Variants in PDE5A observed in about 807,000 individuals in gnomAD.
The protein encoded by PDE5A is phosphodiesterase 5A, also known as cGMP-specific 3',5'-cyclic phosphodiesterase.
Under a neutral mutation model 110.2 loss-of-function variants are expected in PDE5A, and 67 were observed. The observed-to-expected ratio is 0.61, with a 90% CI of 0.50 to 0.75. The LOEUF is 0.75. Among genes scored for constraint, PDE5A ranks in the 30% least tolerant of loss-of-function variants. PDE5A has a pLI of 0.00. For missense variants in PDE5A, 862 were observed against 1,045.1 expected, an observed-to-expected ratio of 0.82 and a Z score of 2.42; for synonymous variants, 328 against 351.2, an observed-to-expected ratio of 0.93 and a Z score of 0.74.
chr4:119,607,962 G>A (rs983281943), intron 1 of PDE5A, among the ~76,000 whole-genome samples: 6 of 152,066 alleles, frequency 3.9e-5, no homozygotes, highest in Non-Finnish European at 5.9e-5. Context: ...TTAATTTGAT[G>A]TTTAAAACAC....
At chr4:119,568,691 T>G (rs926181426) in intron 3 of PDE5A, among the ~76,000 whole-genome samples, 4 of 152,150 alleles carry the variant, frequency 2.6e-5, no homozygotes, top group African/African-American at 7.2e-5. Context: ...AAATGACATT[T>G]AAATTTTTTT....
rs1727441503 is a variant in PDE5A, at chr4:119,553,693, G to A, written c.1253C>T (p.Thr418Ile). Reference sequence around the variant, plus strand: ...ATCTGGGATATTAAGTGGTTCCATAGTATTTTTGACATACTGAGCATACAT... The same window carrying A: ...ATCTGGGATATTAAGTGGTTCCATAATATTTTTGACATACTGAGCATACAT... ...NYMYAQYVKN[T>I]MEPLNIPDVS... Residue 418 changes from threonine (T) to isoleucine (I), a missense_variant, in exon 8 of 21, where the codon ACT (threonine) becomes ATT (isoleucine). Thr to Ile is a moderately conservative substitution (Grantham distance 89). Coordinates refer to ENST00000354960, the MANE Select transcript of PDE5A (RefSeq NM_001083.4). 1 of 1,602,378 alleles carries A rather than the reference G, an allele frequency of 6.2e-7. No homozygotes were observed. The highest frequency in any genetic ancestry group is 8.5e-7 in the Non-Finnish European group (1 of 1,169,862).
intron 7 of PDE5A, among the ~76,000 whole-genome samples, chr4:119,558,657 TTAAAA>T (rs1389235169): frequency 6.6e-6 from 1 of 152,142 alleles, no homozygotes; most frequent in Non-Finnish European, 1.5e-5. Context: ...CTAATTTTTA[TTAAAA>T]TAAAAAAAAT....
chr4:119,512,630 C>G (rs564526182), intron 14 of PDE5A, among the ~76,000 whole-genome samples: 9 of 151,774 alleles, frequency 5.9e-5, no homozygotes, highest in Non-Finnish European at 1.3e-4. Flanking sequence ...TGACTCCTGA[C>G]TAGGAGTGGG....
At chr4:119,609,208 TG>T (rs1729653331) in intron 1 of PDE5A, among the ~76,000 whole-genome samples, 1 of 152,156 alleles carries the variant, frequency 6.6e-6, no homozygotes, top group Admixed American at 6.5e-5. Context: ...AAATTTTAAA[TG>T]TATGTATCCT....
intron 18 of PDE5A, 87 bp from the exon 19 acceptor site, chr4:119,502,742 CTGTATATCTCCATTTTA>C: frequency 5.1e-6 from 4 of 791,630 alleles, no homozygotes; most frequent in South Asian, 4.6e-5. Context: ...CTGTTAGGAG[CTGTATATCTCCATTTTA>C]TAGCAAATAA....
intron 1 of PDE5A, among the ~76,000 whole-genome samples, chr4:119,610,647 T>C (rs1729710346): frequency 1.3e-5 from 2 of 152,140 alleles, no homozygotes; most frequent in Non-Finnish European, 1.5e-5. Context: ...TTCCCACATA[T>C]GGAGTACCAT....
intron 17 of PDE5A, among the ~76,000 whole-genome samples, chr4:119,505,353 A>C (rs1003387678): frequency 2.0e-5 from 3 of 151,930 alleles, no homozygotes; most frequent in Non-Finnish European, 4.4e-5. Context: ...TATATGTCTT[A>C]TGCAGTTCTA....
In PDE5A at chr4:119,592,456, TAAAAAAAAAAAAAA is replaced by T. The variant is rs55997249; in HGVS notation, c.831+4053_831+4066del. On this transcript the variant is annotated intron_variant, in intron 3 of 20. Coordinates refer to ENST00000354960, the MANE Select transcript of PDE5A (RefSeq NM_001083.4). ...CTGGGTGACAGAGCGAGACTCTGTT[TAAAAAAAAAAAAAA>T]AAAAAAAAAAAAAAAAAGCTGTGTT... Among the ~76,000 whole-genome samples, 16 of 66,186 alleles carry T rather than the reference TAAAAAAAAAAAAAA, an allele frequency of 2.4e-4. No individual in the cohort carries two copies. In the East Asian group the frequency reaches 4.4e-3, roughly 18 times the overall value. The allele number at this position is 66,186 out of a possible 152,430, so 43.4% of individuals were successfully genotyped here. A position where few individuals can be genotyped will look rare whatever the true frequency, so the allele number is the denominator to read the frequency against.
At chr4:119,575,616 C>T (rs576480622) in intron 3 of PDE5A, among the ~76,000 whole-genome samples, 49 of 152,232 alleles carry the variant, frequency 3.2e-4, no homozygotes, top group Non-Finnish European at 4.9e-4. Context: ...AAATAAAATC[C>T]TTTACAGACA....
intron 11 of PDE5A, among the ~76,000 whole-genome samples, chr4:119,529,414 A>C (rs552283613): frequency 1.5e-4 from 23 of 152,316 alleles, no homozygotes; most frequent in African/African-American, 4.8e-4. Context: ...AGCTAACAAA[A>C]ATACATTTCC....
rs150282561 is a variant in PDE5A at position 119,607,187 on chromosome 4, C to G, written c.263G>C (p.Arg88Pro). 6 of 1,614,070 alleles carry G rather than the reference C, an allele frequency of 3.7e-6. No individual in the cohort carries two copies. Among genetic ancestry groups the G allele is most frequent in the Non-Finnish European group, 4.2e-6 (5 of 1,179,984 alleles). ...TGTTCCAGGGGCACTGTTATCTGCACGAGGACTCTGCTGCAAGGGACAAGA... is the reference window on the plus strand; with the variant it reads ...TGTTCCAGGGGCACTGTTATCTGCAGGAGGACTCTGCTGCAAGGGACAAGA... ...SCSCPLQQSP[R>P]ADNSAPGTPT... The change falls in exon 2 of 21, where the codon CGT (arginine) becomes CCT (proline). Residue 88 changes from arginine (R) to proline (P), a missense_variant. By Grantham distance (103) the Arg-to-Pro change is moderately radical. Coordinates refer to ENST00000354960, the MANE Select transcript of PDE5A (RefSeq NM_001083.4).
intron 3 of PDE5A, among the ~76,000 whole-genome samples, chr4:119,575,507 C>A (rs1728301621): frequency 6.6e-6 from 1 of 152,306 alleles, no homozygotes; most frequent in South Asian, 2.1e-4. Flanking sequence ...ACTCTACAAG[C>A]CTGAAGAGAG....
intron 3 of PDE5A, among the ~76,000 whole-genome samples, chr4:119,585,717 T>C (rs888928521): frequency 2.0e-5 from 3 of 152,238 alleles, no homozygotes; most frequent in African/African-American, 7.2e-5. Context: ...CCTAATTCCC[T>C]TCCTCTTGAG....
intron 3 of PDE5A, among the ~76,000 whole-genome samples, chr4:119,586,252 A>C (rs1728760354): frequency 1.3e-5 from 2 of 152,224 alleles, no homozygotes; most frequent in African/African-American, 4.8e-5. Flanking sequence ...GATGCAAAAA[A>C]ATTTAAAAAT....
chr4:119,627,947 G>T lies in PDE5A; in HGVS notation c.152+573C>A. On this transcript the variant is annotated intron_variant, in intron 1 of 20. Coordinates refer to ENST00000354960, the MANE Select transcript of PDE5A (RefSeq NM_001083.4). The surrounding 1 kb of genome is among the most constrained non-coding windows in gnomAD (Gnocchi z 4.6). ...CGGAAAAGCGAGTGAAAGGAGGCGC[G>T]CGGGACAAGCAGGAGACTGGAAGGG... 3.2e-6 allele frequency: 2 copies of T among 615,918 alleles called. No homozygotes were observed. Among genetic ancestry groups the T allele is most frequent in the Non-Finnish European group, 4.1e-6 (2 of 491,584 alleles). The allele number at this position is 615,918 out of a possible 1,614,324, so 38.2% of individuals were successfully genotyped here. A position where few individuals can be genotyped will look rare whatever the true frequency, so the allele number is the denominator to read the frequency against.
At chr4:119,621,596 CAG>C (rs1194328374) in intron 1 of PDE5A, among the ~76,000 whole-genome samples, 1 of 151,962 alleles carries the variant, frequency 6.6e-6, no homozygotes, top group Non-Finnish European at 1.5e-5. Context: ...GGCAGGTAAA[CAG>C]AGTAGATAGA....
intron 11 of PDE5A, among the ~76,000 whole-genome samples, chr4:119,529,049 G>GT (rs1726431980): frequency 6.6e-6 from 1 of 152,100 alleles, no homozygotes; most frequent in Non-Finnish European, 1.5e-5. Flanking sequence ...GACTCAATAT[G>GT]TGGTAGCCTC....
chr4:119,566,419 T>C (rs1055998196), intron 4 of PDE5A, among the ~76,000 whole-genome samples: 1 of 152,124 alleles, frequency 6.6e-6, no homozygotes, highest in African/African-American at 2.4e-5. Context: ...ACTTATTCAA[T>C]AGGAAAAATA....
Sources: allele counts gnomAD v4.1 joint callset (sites outside exome capture counted in the v4.1 genomes callset), GRCh38; gene constraint gnomAD v4.1.1; non-coding constraint Gnocchi (gnomAD v3.1); transcripts MANE v1.5; gene names NCBI Gene and HGNC (gene_info 2026-07-23, HGNC 2026-07-21).